The following KLHDC4 variants were observed in gnomAD, a reference collection of about 807,000 sequenced individuals.
KLHDC4 encodes the protein kelch domain containing 4, also known as kelch domain-containing protein 4.
In KLHDC4, 90 loss-of-function variants were observed where a neutral mutation model predicts 62.4. The observed-to-expected ratio is 1.44, with a 90% CI of 1.22 to 1.72. KLHDC4 has a LOEUF of 1.72. Ranked by LOEUF, KLHDC4 falls within the 40% of genes most tolerant of loss-of-function variation. KLHDC4 has a pLI of 0.00. For synonymous variants in KLHDC4, 386 were observed against 284.4 expected, an observed-to-expected ratio of 1.36 and a Z score of -3.59; for missense variants, 1,025 against 699.7, an observed-to-expected ratio of 1.47 and a Z score of -5.25.
chr16:87,706,063 G>T (rs1421641366), downstream of KLHDC4, among the ~76,000 whole-genome samples: 3 of 150,280 alleles, frequency 2.0e-5, no homozygotes, highest in Admixed American at 6.6e-5. Context: ...GGGGTCGGCG[G>T]AACGCAAACA....
chr16:87,730,302 G>A lies in KLHDC4; in HGVS notation c.599+250C>T, dbSNP rs1292245204. Among the ~76,000 whole-genome samples, 3 of 152,246 alleles carry A rather than the reference G, an allele frequency of 2.0e-5. No individual in the cohort carries two copies. In the East Asian group the frequency reaches 5.8e-4, roughly 29 times the overall value. ...AGCCACATCATTTGCAGGACCTGGT[G>A]TAAAATTAAAATGTGGGGTCCCTTG... On this transcript the variant is annotated intron_variant, in intron 6 of 11. Coordinates refer to ENST00000270583, the MANE Select transcript of KLHDC4 (RefSeq NM_017566.4).
At chr16:87,704,417 T>TGGGGAGGGGC (rs2034412814), downstream of KLHDC4, among the ~76,000 whole-genome samples, 1 of 86,272 alleles carries the variant, frequency 1.2e-5, no homozygotes, top group Non-Finnish European at 2.1e-5. Context: ...CTGGGGAGGG[T>TGGGGAGGGGC]CCTGAACGTC....
chr16:87,730,601 C>A lies in KLHDC4; in HGVS notation c.550G>T (p.Ala184Ser), dbSNP rs2040176136. 1 of 1,613,130 alleles carries A rather than the reference C, an allele frequency of 6.2e-7. No homozygotes were observed. Among genetic ancestry groups the A allele is most frequent in the Non-Finnish European group, 8.5e-7 (1 of 1,179,828 alleles). Residue 184 changes from alanine (A) to serine (S), a missense_variant, in exon 6 of 12, where the codon GCC (alanine) becomes TCC (serine). Physicochemically the swap from Ala to Ser is moderately conservative, Grantham distance 99. Coordinates refer to ENST00000270583, the MANE Select transcript of KLHDC4 (RefSeq NM_017566.4). ...PSGRSGHRMV[A>S]WKRQLILFGG... ...AACAGGATCAATTGTCTCTTCCAGG[C>A]CACCATCCGATGTCCACTCCGACCC...
chr16:87,733,585 T>C (rs1385734826), intron 5 of KLHDC4, among the ~76,000 whole-genome samples: 1 of 151,440 alleles, frequency 6.6e-6, no homozygotes, highest in Non-Finnish European at 1.5e-5. Flanking sequence ...ACTGATGACC[T>C]GCCTCGCCTC....
chr16:87,707,685 T>C, downstream of KLHDC4: 1 of 201,434 alleles, frequency 5.0e-6, no homozygotes, highest in Non-Finnish European at 1.0e-5. Context: ...TCGAGGGTCC[T>C]TCGTGTCCAA....
intron 2 of KLHDC4, among the ~76,000 whole-genome samples, chr16:87,760,045 G>A (rs746401675): frequency 6.6e-6 from 1 of 152,004 alleles, no homozygotes; most frequent in Non-Finnish European, 1.5e-5. Flanking sequence ...AAAGTAATAT[G>A]ATTAAGAAAT....
chr16:87,737,661 C>A, intron 5 of KLHDC4, among the ~76,000 whole-genome samples: 1 of 151,050 alleles, frequency 6.6e-6, no homozygotes, highest in East Asian at 1.9e-4. Context: ...GATCTCAGCT[C>A]ACTGCTACCT....
intron 8 of KLHDC4, among the ~76,000 whole-genome samples, chr16:87,712,278 T>TA (rs536083298): frequency 0.041 from 6,082 of 147,256 alleles, 129 homozygotes; most frequent in African/African-American, 0.058. Context: ...AATGAACATT[T>TA]AAAAAAAAAA....
chr16:87,714,238 G>A (rs779737642), intron 8 of KLHDC4, among the ~76,000 whole-genome samples: 1 of 152,196 alleles, frequency 6.6e-6, no homozygotes, highest in Non-Finnish European at 1.5e-5. Context: ...CTCCACAGAG[G>A]GCTGTCTGCA....
At chr16:87,716,118 A>G (rs1375330659) in intron 7 of KLHDC4, among the ~76,000 whole-genome samples, 1 of 149,628 alleles carries the variant, frequency 6.7e-6, no homozygotes, top group Admixed American at 6.6e-5. Context: ...TTGGGTACAC[A>G]CTATGGTCTT....
exon 1 of KLHDC4, chr16:87,700,332 G>A (rs924535723): frequency 6.5e-6 from 1 of 154,900 alleles, no homozygotes; most frequent in African/African-American, 2.4e-5. Flanking sequence ...TCTGCCTTCA[G>A]CCGGCCGACA....
At chr16:87,757,042 G>A (rs11864518) in intron 2 of KLHDC4, among the ~76,000 whole-genome samples, 2 of 151,714 alleles carry the variant, frequency 1.3e-5, no homozygotes, top group Non-Finnish European at 2.9e-5. Flanking sequence ...CTCAAACTCC[G>A]GACCTCAAGT....
chr16:87,735,523 G>C (rs1232316702), intron 5 of KLHDC4, among the ~76,000 whole-genome samples: 1 of 152,218 alleles, frequency 6.6e-6, no homozygotes, highest in African/African-American at 2.4e-5. Flanking sequence ...CCCCACCAGA[G>C]TCTCATCCTC....
Position 87,711,143 on chromosome 16 carries a change from C to G in KLHDC4, c.1044+92G>C, listed in dbSNP as rs551443386. 1.4e-5 allele frequency: 20 copies of G among 1,383,978 alleles called. No homozygotes were observed. The African/African-American group carries it at 2.3e-4, about 16-fold the overall frequency. The allele number at this position is 1,383,978 out of a possible 1,614,324, so 85.7% of individuals were successfully genotyped here. On this transcript the variant is annotated intron_variant, in intron 9 of 11. Transcript: ENST00000270583. ...GAGAGCTCATGGGCTTTGGGGGCCC[C>G]AATACCAAAAGGTGCTGGAGGAAGG... is the stretch of plus-strand genomic sequence containing the variant.
chr16:87,718,240 G>C (rs2037393471), intron 7 of KLHDC4, among the ~76,000 whole-genome samples: 1 of 151,392 alleles, frequency 6.6e-6, no homozygotes, highest in Non-Finnish European at 1.5e-5. Flanking sequence ...CACCAAACCA[G>C]CTTTACATTC....
intron 2 of KLHDC4, 112 bp from the exon 3 acceptor site, chr16:87,756,589 C>T (rs2044956847): frequency 1.4e-6 from 1 of 734,080 alleles, no homozygotes; most frequent in Non-Finnish European, 2.3e-6. Context: ...CTCTACACTT[C>T]CTGAAAGGAG....
rs762213293 is a variant in KLHDC4 at position 87,755,302 on chromosome 16, G to C, written c.271-10C>G. 1.0e-5 allele frequency: 15 copies of C among 1,470,830 alleles called. No individual in the cohort carries two copies. Among genetic ancestry groups the C allele is most frequent in the Middle Eastern group, 1.7e-4 (1 of 5,858 alleles). 91.1% of individuals were successfully genotyped at this position (1,470,830 alleles called of 1,614,324 possible). A position where few individuals can be genotyped will look rare whatever the true frequency, so the allele number is the denominator to read the frequency against. On this transcript the variant is annotated splice_polypyrimidine_tract_variant and intron_variant, in intron 3 of 11. Coordinates refer to ENST00000270583, the MANE Select transcript of KLHDC4 (RefSeq NM_017566.4). ...CGTTATACAAAAAAGTCTACAGGAAGGAAGAAGAATGTCAGTGTCACAAAT... is the reference window on the plus strand; with the variant it reads ...CGTTATACAAAAAAGTCTACAGGAACGAAGAAGAATGTCAGTGTCACAAAT...
At chr16:87,714,602 C>G (rs555840292) in intron 7 of KLHDC4, 29 bp from the exon 8 acceptor site, 61 of 1,612,070 alleles carry the variant, frequency 3.8e-5, no homozygotes, top group Admixed American at 8.3e-5. Flanking sequence ...GTGTGAGAAC[C>G]GGGGGCAGCT....
downstream of KLHDC4, among the ~76,000 whole-genome samples, chr16:87,706,296 G>A (rs1435836002): frequency 7.9e-6 from 1 of 127,000 alleles, no homozygotes; most frequent in South Asian, 2.7e-4. Context: ...GGGGTGAGCT[G>A]GCACAACCCA....
Sources: allele counts gnomAD v4.1 joint callset (sites outside exome capture counted in the v4.1 genomes callset), GRCh38; gene constraint gnomAD v4.1.1; transcripts MANE v1.5; gene names NCBI Gene and HGNC (gene_info 2026-07-23, HGNC 2026-07-21).